The following NUP58 variants were observed in gnomAD, a reference collection of about 807,000 sequenced individuals.
NUP58 encodes nucleoporin 58.
NUP58 carries 17 observed loss-of-function variants against 70.1 expected under a neutral mutation model. That is an observed-to-expected ratio of 0.24 (90% CI 0.17 to 0.36). NUP58 has a LOEUF of 0.36. Among genes scored for constraint, NUP58 ranks in the 10% least tolerant of loss-of-function variants. The probability of loss-of-function intolerance (pLI) is 1.00; values close to 1 mark genes in which losing one functional copy is unlikely to be tolerated. For missense variants in NUP58, 644 were observed against 701.5 expected (o/e 0.92, Z 0.93); for synonymous variants, 275 against 257.6 (o/e 1.07, Z -0.65).
intron 1 of NUP58, among the ~76,000 whole-genome samples, chr13:25,303,857 C>A (rs895340117): frequency 6.6e-6 from 1 of 152,148 alleles, no homozygotes; most frequent in Non-Finnish European, 1.5e-5. Context: ...GCTTTAATAA[C>A]AATTTGAATG....
Position 25,305,147 on chromosome 13 carries a change from T to TTTTTG in NUP58, c.108-2655_108-2654insGTTTT, listed in dbSNP as rs1566055078. Among the ~76,000 whole-genome samples, 334 of 125,808 alleles carry TTTTTG rather than the reference T, an allele frequency of 2.7e-3. 6 individuals are homozygous for TTTTTG. The highest frequency in any genetic ancestry group is 0.01 in the African/African-American group (323 of 31,340). The allele number at this position is 125,808 out of a possible 152,430, so 82.5% of individuals were successfully genotyped here. ...TCTGTGGGGTTTTTTTTTTTTTTTT[T>TTTTTG]TTTTTTTTTTTTTTGAGACAGGGCC... On this transcript the variant is annotated intron_variant, in intron 1 of 15. Transcript: ENST00000381736.
At chr13:25,336,076 G>T in intron 13 of NUP58, 1 of 1,224,114 alleles carries the variant, frequency 8.2e-7, no homozygotes, top group Non-Finnish European at 1.0e-6. Context: ...GAGGGAAAAG[G>T]ATGACTAATC....
rs929478830 is a variant in NUP58, at chr13:25,315,205, A to G, written c.575-152A>G. ...CAAGAAAGGTTATCAGTCTTTGGCC[A>G]AAACATCTCCAGGCTTGTTTCTTGT... On this transcript the variant is annotated intron_variant, in intron 5 of 15. Transcript: ENST00000381736. 12 of 664,550 alleles carry G rather than the reference A, an allele frequency of 1.8e-5. No individual in the cohort carries two copies. The African/African-American group carries it at 2.2e-4, about 12-fold the overall frequency. 41.2% of individuals were successfully genotyped at this position (664,550 alleles called of 1,614,324 possible). A position where few individuals can be genotyped will look rare whatever the true frequency, so the allele number is the denominator to read the frequency against.
intron 9 of NUP58, 36 bp from the exon 10 acceptor site, chr13:25,324,953 C>CTTTTTTTT: frequency 8.9e-7 from 1 of 1,117,746 alleles, no homozygotes; most frequent in Non-Finnish European, 1.3e-6. Flanking sequence ...TCTTAACTGG[C>CTTTTTTTT]TTTTTTTTTT....
chr13:25,312,970 C>G lies in NUP58; in HGVS notation c.374C>G (p.Pro125Arg). 1.2e-6 allele frequency: 2 copies of G among 1,614,204 alleles called. No individual in the cohort carries two copies. The highest frequency in any genetic ancestry group is 1.7e-5 in the Admixed American group (1 of 60,026). ...GCATCTGCCACACCATTTGCTCTAC[C>G]TATTACCTCTACCTCAGCTAGCGGT... ...PAASATPFAL[P>R]ITSTSASGLT... The change falls in exon 4 of 16, where the codon CCT (proline) becomes CGT (arginine). Residue 125 changes from proline (P) to arginine (R), a missense_variant. Around this residue, in one of 4 missense-constraint regions of NUP58, gnomAD observed 430 missense variants for 409.2 expected, o/e 1.05. Coordinates refer to ENST00000381736, the MANE Select transcript of NUP58 (RefSeq NM_014089.4).
chr13:25,335,925 A>G (rs1451592478), intron 13 of NUP58: 17 of 1,097,736 alleles, frequency 1.5e-5, no homozygotes, highest in Non-Finnish European at 1.9e-5. Context: ...ATTTTCATAA[A>G]TTATTTATCC....
Position 25,313,765 on chromosome 13 carries a change from T to C in NUP58, c.574+14T>C. On this transcript the variant is annotated intron_variant, in intron 5 of 15. Transcript: ENST00000381736. ...CAGGAACATCAGGTAATTGATGGTA[T>C]TTATTCTCCAGAATAGTAAATATTT... The C allele has an allele frequency of 2.0e-6, 3 of 1,511,600 alleles. No homozygotes were observed. Among genetic ancestry groups the C allele is most frequent in the Non-Finnish European group, 1.8e-6 (2 of 1,141,016 alleles). The allele number at this position is 1,511,600 out of a possible 1,614,324, so 93.6% of individuals were successfully genotyped here.
At position 25,328,512 on chromosome 13, in the gene NUP58, C is replaced by T. The variant is rs140679666; in HGVS notation, c.1233+1000C>T. 5.1e-3 allele frequency among the ~76,000 whole-genome samples: 769 copies of T among 150,746 alleles called. 31 individuals carry two copies. In the East Asian group the frequency reaches 0.095, roughly 19 times the overall value. The stretch of plus-strand genomic sequence containing the variant: ...CTGGGTTCAAGTGATTCTCATGCCT[C>T]AGCCTCCTGAATAGCTGGGACTACA... On this transcript the variant is annotated intron_variant, in intron 12 of 15. Coordinates refer to ENST00000381736, the MANE Select transcript of NUP58 (RefSeq NM_014089.4).
At chr13:25,319,292 AT>A (rs758648120) in intron 6 of NUP58, 33 bp from the exon 7 acceptor site, 83 of 1,593,058 alleles carry the variant, frequency 5.2e-5, no homozygotes, top group Middle Eastern at 1.7e-4. Flanking sequence ...TCAATTACCA[AT>A]TTTTTTTACG....
chr13:25,308,806 C>G (rs1000976488), intron 2 of NUP58, among the ~76,000 whole-genome samples: 1 of 152,106 alleles, frequency 6.6e-6, no homozygotes, highest in Non-Finnish European at 1.5e-5. Flanking sequence ...ATTTTCTACC[C>G]TTAGAGCCTC....
chr13:25,327,332 C>T (rs2031434326), intron 11 of NUP58, 98 bp from the exon 12 acceptor site: 5 of 710,622 alleles, frequency 7.0e-6, no homozygotes, highest in South Asian at 6.4e-5. Context: ...TTCTCCTACA[C>T]GTTAACTGTG....
chr13:25,319,461 AC>A (rs1287798089), intron 7 of NUP58, 111 bp downstream of exon 7: 25 of 940,354 alleles, frequency 2.7e-5, no homozygotes, highest in Non-Finnish European at 3.6e-5. Context: ...AGGAGAAAAA[AC>A]TTTTTTGTAA....
intron 13 of NUP58, 39 bp from the exon 14 acceptor site, chr13:25,336,896 GT>G (rs150984449): frequency 1.3e-4 from 174 of 1,322,210 alleles, no homozygotes; most frequent in African/African-American, 5.1e-4. Flanking sequence ...AGGCAAATTT[GT>G]TTTTTTTCCC....
rs768445339 is a variant in NUP58 at position 25,326,922 on chromosome 13, C to T, written c.1038C>T (p.Phe346=). The part of the protein sequence containing the change: ...QHEYAAPADY[F]RILVQQFEVQ... ...TTTTAAATGTTTTTTAAAGCTACTT[C>T]AGAATCTTGGTTCAGCAATTTGAGG... The change falls in exon 11 of 16, where the codon TTC becomes TTT. Residue 346 remains phenylalanine, a synonymous_variant. Transcript: ENST00000381736. 6.4e-6 allele frequency: 10 copies of T among 1,565,346 alleles called. No homozygotes were observed. The highest frequency in any genetic ancestry group is 1.9e-5 in the Admixed American group (1 of 52,500).
intron 6 of NUP58, among the ~76,000 whole-genome samples, chr13:25,316,955 CTT>C (rs1365420861): frequency 6.6e-6 from 1 of 152,044 alleles, no homozygotes; most frequent in African/African-American, 2.4e-5. Flanking sequence ...ATATAAATAA[CTT>C]GGGTGTGTTT....
Position 25,309,106 on chromosome 13 carries a change from C to T in NUP58, c.251-141C>T, listed in dbSNP as rs557117748. On this transcript the variant is annotated intron_variant, in intron 2 of 15. Transcript: ENST00000381736. The stretch of plus-strand genomic sequence containing the variant: ...TATGGGAAAAATGCGTGATTAGTGG[C>T]AGATACTATGATATGTATTGTTCTA... The T allele has an allele frequency of 7.0e-5, 44 of 626,142 alleles. No homozygotes were observed. The African/African-American group carries it at 7.5e-4, about 11-fold the overall frequency. The allele number at this position is 626,142 out of a possible 1,614,324, so 38.8% of individuals were successfully genotyped here.
chr13:25,313,238 C>G (rs1158981921), intron 4 of NUP58, among the ~76,000 whole-genome samples: 2 of 152,144 alleles, frequency 1.3e-5, no homozygotes, highest in East Asian at 3.9e-4. Flanking sequence ...AAATGTAAAG[C>G]TGTTAATATT....
intron 13 of NUP58, chr13:25,331,920 T>C: frequency 9.4e-7 from 1 of 1,063,550 alleles, no homozygotes; most frequent in Non-Finnish European, 1.1e-6. Flanking sequence ...AGATCATCCA[T>C]CCATTCTTTG....
rs777223906 is a variant in NUP58, at chr13:25,327,438, A to G, written c.1159A>G (p.Met387Val). ...GTAATTTTCTTTTATAGATTTGTCAATGGCTATGCAGAAAATTTATCAAAC... is the reference window on the plus strand; with the variant it reads ...GTAATTTTCTTTTATAGATTTGTCAGTGGCTATGCAGAAAATTTATCAAAC... ...NSHITPQDLSMAMQKIYQTFV... is the reference protein window; with the variant it reads ...NSHITPQDLSVAMQKIYQTFV... The change falls in exon 12 of 16, where the codon ATG (methionine) becomes GTG (valine). Residue 387 changes from methionine to valine, a missense_variant. By Grantham distance (21) the Met-to-Val change is conservative. Around this residue, in one of 4 missense-constraint regions of NUP58, gnomAD observed 78 missense variants for 71.3 expected, o/e 1.09. Transcript: ENST00000381736. The G allele has an allele frequency of 2.8e-5, 45 of 1,602,138 alleles. No homozygotes were observed. The Middle Eastern group carries it at 5.0e-4, about 18-fold the overall frequency.
Sources: allele counts gnomAD v4.1 joint callset (sites outside exome capture counted in the v4.1 genomes callset), GRCh38; gene constraint gnomAD v4.1.1; regional missense constraint gnomAD v4.1.1; transcripts MANE v1.5; gene names NCBI Gene and HGNC (gene_info 2026-07-23, HGNC 2026-07-21).